NKAIN3: variants seen among roughly 807,000 people sequenced by gnomAD.
The protein encoded by NKAIN3 is sodium/potassium-transporting ATPase subunit beta-1-interacting protein 3.
NKAIN3 carries 25 observed loss-of-function variants against 30.2 expected under a neutral mutation model. The ratio of observed to expected loss-of-function variants is 0.83; its 90% CI spans 0.60 to 1.16. The LOEUF is 1.16. Ranked by LOEUF, NKAIN3 falls within the 50% of genes most tolerant of loss-of-function variation. The pLI is 0.00. For missense variants in NKAIN3, 225 were observed against 254.1 expected, an observed-to-expected ratio of 0.89 and a Z score of 0.78; for synonymous variants, 91 against 89.6, an observed-to-expected ratio of 1.02 and a Z score of -0.09.
intron 1 of NKAIN3, among the ~76,000 whole-genome samples, chr8:62,406,108 G>A (rs1470048111): frequency 6.6e-6 from 1 of 152,158 alleles, no homozygotes; most frequent in Non-Finnish European, 1.5e-5. Flanking sequence ...TTGTTCCAAA[G>A]TTTTTCCAAA....
At chr8:62,579,287 G>A (rs984945371) in intron 1 of NKAIN3, among the ~76,000 whole-genome samples, 3 of 151,948 alleles carry the variant, frequency 2.0e-5, no homozygotes, top group Non-Finnish European at 4.4e-5. Flanking sequence ...TTTAAGAGGT[G>A]TACCTCTCAC....
chr8:62,772,315 G>C (rs910790679), intron 4 of NKAIN3, among the ~76,000 whole-genome samples: 2 of 152,166 alleles, frequency 1.3e-5, no homozygotes. Context: ...TCTGTTGATA[G>C]ACACTTTGTT....
intron 5 of NKAIN3, among the ~76,000 whole-genome samples, chr8:62,937,443 C>T (rs1822819771): frequency 6.6e-6 from 1 of 152,040 alleles, no homozygotes; most frequent in Non-Finnish European, 1.5e-5. Context: ...AAGAATTTAA[C>T]CTTACCTAGA....
chr8:62,855,919 G>T, intron 4 of NKAIN3: 1 of 756,518 alleles, frequency 1.3e-6, no homozygotes, highest in South Asian at 1.4e-5. Flanking sequence ...GTGTATCTGC[G>T]TGATGCTACA....
At chr8:62,612,352 T>C (rs7818203) in intron 3 of NKAIN3, among the ~76,000 whole-genome samples, 73,099 of 151,812 alleles carry the variant, frequency 0.48, 20,681 homozygotes, top group African/African-American at 0.79. Flanking sequence ...ATGATCCCTT[T>C]GTCGTTACAT....
chr8:62,804,110 G>C (rs1291041492), intron 4 of NKAIN3, among the ~76,000 whole-genome samples: 1 of 152,076 alleles, frequency 6.6e-6, no homozygotes, highest in East Asian at 1.9e-4. Context: ...CTGAAATTGT[G>C]GCAATAATCA....
At chr8:62,856,641 G>A (rs1820067761) in intron 4 of NKAIN3, 1 of 771,176 alleles carries the variant, frequency 1.3e-6, no homozygotes, top group South Asian at 1.4e-5. Flanking sequence ...AAAGAGGTTG[G>A]CACAGATACA....
intron 4 of NKAIN3, among the ~76,000 whole-genome samples, chr8:62,796,206 A>C (rs1057253352): frequency 6.6e-6 from 1 of 151,784 alleles, no homozygotes; most frequent in African/African-American, 2.4e-5. Flanking sequence ...CAACAGAATG[A>C]AACCCCATCT....
chr8:62,496,008 A>G (rs1219018729), intron 1 of NKAIN3, among the ~76,000 whole-genome samples: 2 of 152,164 alleles, frequency 1.3e-5, no homozygotes, highest in Non-Finnish European at 2.9e-5. Context: ...AATTTTGACT[A>G]CAGTAAATGT....
In NKAIN3 at chr8:62,876,772, A is replaced by G. The variant is rs549189007; in HGVS notation, c.472-41681A>G. 3.3e-5 allele frequency among the ~76,000 whole-genome samples: 5 copies of G among 152,152 alleles called. No homozygotes were observed. The South Asian group carries it at 6.2e-4, about 19-fold the overall frequency. ...AATGTGAGTTGAACATTGAGAACTC[A>G]TGGACACAGAGAGGGTAACAATACA... On this transcript the variant is annotated intron_variant, in intron 4 of 6. Coordinates refer to ENST00000623646, the MANE Select transcript of NKAIN3 (RefSeq NM_001304533.3).
chr8:62,807,655 C>A (rs944704361), intron 4 of NKAIN3, among the ~76,000 whole-genome samples: 12 of 149,766 alleles, frequency 8.0e-5, no homozygotes, highest in South Asian at 2.1e-4. Context: ...CGGGTTCAAG[C>A]AATTCTCCTG....
intron 3 of NKAIN3, among the ~76,000 whole-genome samples, chr8:62,624,781 C>T (rs1375022744): frequency 1.4e-5 from 2 of 146,818 alleles, no homozygotes; most frequent in Non-Finnish European, 3.0e-5. Context: ...CTTGAACATT[C>T]TGCTTTTTTT....
intron 1 of NKAIN3, among the ~76,000 whole-genome samples, chr8:62,505,931 T>C (rs1047932559): frequency 6.6e-6 from 1 of 152,188 alleles, no homozygotes; most frequent in Non-Finnish European, 1.5e-5. Context: ...AGGCAGAATC[T>C]GTTTCCCTTC....
chr8:62,863,404 G>A (rs1349339666), intron 4 of NKAIN3: 40 of 1,547,422 alleles, frequency 2.6e-5, no homozygotes, highest in East Asian at 4.7e-5. Flanking sequence ...GATGTTTTGC[G>A]GCTTTATGTC....
chr8:62,537,884 A>C (rs1239412434), intron 1 of NKAIN3, among the ~76,000 whole-genome samples: 5 of 152,144 alleles, frequency 3.3e-5, no homozygotes, highest in Non-Finnish European at 7.4e-5. Flanking sequence ...GGATTTGCAG[A>C]ATCTGGTGCA....
intron 3 of NKAIN3, among the ~76,000 whole-genome samples, chr8:62,600,103 A>C (rs973468357): frequency 6.6e-6 from 1 of 152,024 alleles, no homozygotes; most frequent in Admixed American, 6.6e-5. Flanking sequence ...ATTTAAAATA[A>C]TTTAAAAATT....
intron 1 of NKAIN3, among the ~76,000 whole-genome samples, chr8:62,574,438 A>T (rs1384223937): frequency 1.3e-5 from 2 of 152,080 alleles, no homozygotes; most frequent in African/African-American, 2.4e-5. Flanking sequence ...TGGTAGCTCT[A>T]TTTTTAGTTT....
intron 3 of NKAIN3, among the ~76,000 whole-genome samples, chr8:62,682,668 T>C (rs1361865958): frequency 2.0e-5 from 3 of 152,106 alleles, no homozygotes; most frequent in Non-Finnish European, 4.4e-5. Context: ...GAGACTGGCC[T>C]TTTAAGTTGC....
At chr8:62,402,764 C>T (rs547986143) in intron 1 of NKAIN3, among the ~76,000 whole-genome samples, 12 of 152,284 alleles carry the variant, frequency 7.9e-5, no homozygotes, top group African/African-American at 2.6e-4. Context: ...GTCCTTATAG[C>T]CGCGTGGGAA....
Sources: allele counts gnomAD v4.1 joint callset (sites outside exome capture counted in the v4.1 genomes callset), GRCh38; gene constraint gnomAD v4.1.1; transcripts MANE v1.5; gene names NCBI Gene and HGNC (gene_info 2026-07-23, HGNC 2026-07-21).